The following GRM8 variants were observed in gnomAD, a reference collection of about 807,000 sequenced individuals.
GRM8 encodes the protein metabotropic glutamate receptor 8.
A neutral mutation model predicts 87.2 loss-of-function variants in GRM8; 47 were observed. That is an observed-to-expected ratio of 0.54 (90% CI 0.43 to 0.69). GRM8 has a LOEUF of 0.69. Among genes scored for constraint, GRM8 ranks in the 30% least tolerant of loss-of-function variants. GRM8 has a pLI of 0.00. For missense variants in GRM8, 1,019 were observed against 1,139.2 expected (o/e 0.89, Z 1.52); for synonymous variants, 396 against 404.5 (o/e 0.98, Z 0.25).
At chr7:126,498,856 C>A (rs536197396) in intron 9 of GRM8, among the ~76,000 whole-genome samples, 1 of 152,038 alleles carries the variant, frequency 6.6e-6, no homozygotes, top group East Asian at 1.9e-4. Flanking sequence ...ATTTATCTTG[C>A]ATTAACTGAT....
chr7:126,508,824 C>A (rs926124949), intron 9 of GRM8, among the ~76,000 whole-genome samples: 2 of 152,032 alleles, frequency 1.3e-5, no homozygotes, highest in African/African-American at 4.8e-5. Context: ...TTTAGAGGAA[C>A]TTTTCAATCC....
intron 9 of GRM8, among the ~76,000 whole-genome samples, chr7:126,517,088 T>C (rs911204513): frequency 5.3e-5 from 8 of 152,060 alleles, no homozygotes; most frequent in African/African-American, 1.9e-4. Flanking sequence ...TGGGCTCAAT[T>C]CCATTAAATC....
At chr7:127,028,001 A>G (rs1366579100) in intron 3 of GRM8, among the ~76,000 whole-genome samples, 1 of 151,828 alleles carries the variant, frequency 6.6e-6, no homozygotes, top group African/African-American at 2.4e-5. Flanking sequence ...GAGATACATT[A>G]CCTCCATACC....
chr7:126,899,011 C>T (rs184500672), intron 6 of GRM8, among the ~76,000 whole-genome samples: 15 of 145,970 alleles, frequency 1.0e-4, no homozygotes, highest in East Asian at 4.1e-4. Flanking sequence ...CTCCCACTTA[C>T]GAGTGTAAAA....
chr7:127,009,158 C>A (rs1258937214), intron 3 of GRM8, among the ~76,000 whole-genome samples: 1 of 151,982 alleles, frequency 6.6e-6, no homozygotes, highest in African/African-American at 2.4e-5. Flanking sequence ...TTAACTACTA[C>A]TTTACTTGTT....
intron 3 of GRM8, among the ~76,000 whole-genome samples, chr7:127,073,277 GA>G (rs1285160435): frequency 6.6e-6 from 1 of 152,190 alleles, no homozygotes; most frequent in East Asian, 1.9e-4. Context: ...GGATCACTCT[GA>G]ACCCATGAAC....
At chr7:126,860,805 A>G (rs1302678462) in intron 6 of GRM8, among the ~76,000 whole-genome samples, 14 of 152,170 alleles carry the variant, frequency 9.2e-5, no homozygotes, top group Admixed American at 9.2e-4. Context: ...GCACATTTTT[A>G]TATATTCATG....
chr7:126,945,245 G>T (rs1041917293), intron 3 of GRM8, among the ~76,000 whole-genome samples: 2 of 152,218 alleles, frequency 1.3e-5, no homozygotes, highest in Middle Eastern at 3.4e-3. Flanking sequence ...ATACATGGTG[G>T]TATATTCCAA....
At chr7:126,513,892 A>G (rs1316096182) in intron 9 of GRM8, among the ~76,000 whole-genome samples, 3 of 152,160 alleles carry the variant, frequency 2.0e-5, no homozygotes, top group African/African-American at 7.2e-5. Context: ...CTCTCTCTTC[A>G]TAAATGAAAA....
chr7:126,496,101 C>T (rs1297405983), intron 9 of GRM8, among the ~76,000 whole-genome samples: 2 of 151,826 alleles, frequency 1.3e-5, no homozygotes, highest in Middle Eastern at 3.2e-3. Flanking sequence ...ACTCTCTGAG[C>T]TCTGTTTCTT....
intron 8 of GRM8, 50 bp from the exon 9 acceptor site, chr7:126,533,937 T>A: frequency 7.3e-7 from 1 of 1,368,386 alleles, no homozygotes; most frequent in Non-Finnish European, 1.0e-6. Flanking sequence ...CCATTTATAA[T>A]ATCCTAATCC....
At chr7:127,213,125 T>C (rs1796321181) in intron 2 of GRM8, among the ~76,000 whole-genome samples, 1 of 152,214 alleles carries the variant, frequency 6.6e-6, no homozygotes, top group South Asian at 2.1e-4. Context: ...GATACACTTA[T>C]CCACATTCCT....
chr7:126,841,164 A>G (rs1225548835), intron 6 of GRM8, among the ~76,000 whole-genome samples: 1 of 152,228 alleles, frequency 6.6e-6, no homozygotes, highest in African/African-American at 2.4e-5. Context: ...TTTGTGGCTT[A>G]TAATAACAAC....
At chr7:126,625,545 A>T (rs1219964285) in intron 7 of GRM8, among the ~76,000 whole-genome samples, 1 of 152,144 alleles carries the variant, frequency 6.6e-6, no homozygotes, top group Non-Finnish European at 1.5e-5. Flanking sequence ...CTCCTGTGGA[A>T]ATGTCTTCAT....
At chr7:126,469,709 C>A (rs1457807259) in intron 9 of GRM8, among the ~76,000 whole-genome samples, 1 of 152,154 alleles carries the variant, frequency 6.6e-6, no homozygotes, top group African/African-American at 2.4e-5. Flanking sequence ...GCCCTCCCAG[C>A]CATACTGAAC....
intron 7 of GRM8, among the ~76,000 whole-genome samples, chr7:126,738,155 A>G (rs776407186): frequency 6.6e-6 from 1 of 152,148 alleles, no homozygotes; most frequent in Non-Finnish European, 1.5e-5. Context: ...GGGCACATAC[A>G]GTACAAAGAC....
At position 126,914,688 on chromosome 7, in the gene GRM8, C is replaced by T. The variant is rs545542096; in HGVS notation, c.728-10005G>A. 6.6e-5 allele frequency among the ~76,000 whole-genome samples: 10 copies of T among 152,282 alleles called. No homozygotes were observed. In the East Asian group the frequency reaches 1.7e-3, roughly 26 times the overall value. ...CAGAAACAGAAAACAAAATATTTCA[C>T]GTTCTTACTTATAAGTGTGAGCTAA... On this transcript the variant is annotated intron_variant, in intron 3 of 10. Coordinates refer to ENST00000339582, the MANE Select transcript of GRM8 (RefSeq NM_000845.3).
chr7:126,992,150 C>A (rs1037861542), intron 3 of GRM8, among the ~76,000 whole-genome samples: 2 of 152,114 alleles, frequency 1.3e-5, no homozygotes, highest in African/African-American at 4.8e-5. Flanking sequence ...TGCTTAGTTA[C>A]AAATATACAA....
At chr7:127,017,859 A>C (rs1287281574) in intron 3 of GRM8, among the ~76,000 whole-genome samples, 16 of 152,250 alleles carry the variant, frequency 1.1e-4, no homozygotes. Context: ...AATAATGCTT[A>C]AAGTGAGAAC....
Sources: allele counts gnomAD v4.1 joint callset (sites outside exome capture counted in the v4.1 genomes callset), GRCh38; gene constraint gnomAD v4.1.1; transcripts MANE v1.5; gene names NCBI Gene and HGNC (gene_info 2026-07-23, HGNC 2026-07-21).